Variants in BRD10 observed in about 807,000 individuals in gnomAD.
BRD10 encodes the protein bromodomain containing 10.
At chr9:6,001,069 G>T in the BRD10 span, among the ~76,000 whole-genome samples, 1 of 152,064 alleles carries the variant, frequency 6.6e-6, no homozygotes, top group East Asian at 1.9e-4. Context: ...ACCACCAGCT[G>T]GGCTCAAATG....
the BRD10 span, among the ~76,000 whole-genome samples, chr9:5,933,223 A>G: frequency 2.0e-5 from 3 of 152,248 alleles, no homozygotes; most frequent in Non-Finnish European, 2.9e-5. Context: ...ACAGGGATAA[A>G]TTAACTGTTT....
At chr9:5,966,390 A>G in the BRD10 span, among the ~76,000 whole-genome samples, 3 of 150,996 alleles carry the variant, frequency 2.0e-5, no homozygotes, top group Non-Finnish European at 4.4e-5. Context: ...AATATACTAT[A>G]TAATTGAGTT....
At chr9:5,911,228 A>G in the BRD10 span, among the ~76,000 whole-genome samples, 3 of 152,144 alleles carry the variant, frequency 2.0e-5, no homozygotes, top group Non-Finnish European at 4.4e-5. Flanking sequence ...TATATGGCAA[A>G]AGATACGGGT....
chr9:5,984,956 C>T, the BRD10 span, among the ~76,000 whole-genome samples: 62 of 150,536 alleles, frequency 4.1e-4, no homozygotes, highest in African/African-American at 1.5e-3. Flanking sequence ...TATAGACAAA[C>T]GAATTTGAAA....
chr9:5,905,274 C>A, the BRD10 span, among the ~76,000 whole-genome samples: 4 of 152,152 alleles, frequency 2.6e-5, no homozygotes, highest in Non-Finnish European at 5.9e-5. Flanking sequence ...CCCCTCTTCA[C>A]CAAGGGGACC....
the BRD10 span, among the ~76,000 whole-genome samples, chr9:5,981,217 G>T: frequency 6.6e-6 from 1 of 152,096 alleles, no homozygotes; most frequent in African/African-American, 2.4e-5. Flanking sequence ...AAATAAAGTG[G>T]GATGAAGCAT....
the BRD10 span, among the ~76,000 whole-genome samples, chr9:5,902,231 G>C: frequency 6.6e-6 from 1 of 152,126 alleles, no homozygotes; most frequent in Non-Finnish European, 1.5e-5. Flanking sequence ...CGTGGATTTT[G>C]ACAGATTGTG....
At chr9:5,921,645 C>T in the BRD10 span, 2 of 1,613,962 alleles carry the variant, frequency 1.2e-6, no homozygotes, top group Non-Finnish European at 8.5e-7. Context: ...GACCTTGTAA[C>T]AGGGTAACTT....
chr9:5,880,263 C>T, the BRD10 span, among the ~76,000 whole-genome samples: 29 of 151,956 alleles, frequency 1.9e-4, no homozygotes, highest in Non-Finnish European at 3.8e-4. Flanking sequence ...AGCCAAATCC[C>T]AGCACTTTGG....
the BRD10 span, chr9:5,918,858 A>G: frequency 1.3e-5 from 2 of 151,916 alleles, no homozygotes; most frequent in Admixed American, 6.6e-5. Context: ...CACAAGATTT[A>G]AGTGAAAGTA....
At chr9:5,902,015 GC>G in the BRD10 span, among the ~76,000 whole-genome samples, 1 of 82,978 alleles carries the variant, frequency 1.2e-5, no homozygotes, top group Non-Finnish European at 3.5e-5. Context: ...GGTAATGCTG[GC>G]CTCATAGCAA....
At chr9:5,954,787 A>G in the BRD10 span, among the ~76,000 whole-genome samples, 1 of 152,180 alleles carries the variant, frequency 6.6e-6, no homozygotes, top group Non-Finnish European at 1.5e-5. Flanking sequence ...AAATACATAC[A>G]TGCATAAAAA....
At chr9:5,927,708 G>T in the BRD10 span, among the ~76,000 whole-genome samples, 4 of 151,952 alleles carry the variant, frequency 2.6e-5, no homozygotes, top group East Asian at 5.8e-4. Flanking sequence ...TCTTTACCTG[G>T]TTTCCAAAAC....
At chr9:5,990,797 T>A in the BRD10 span, among the ~76,000 whole-genome samples, 2 of 152,220 alleles carry the variant, frequency 1.3e-5, no homozygotes, top group Admixed American at 1.3e-4. Context: ...AAGTGTAAAC[T>A]GGCAGTCTTT....
chr9:5,898,764 C>G, the BRD10 span, among the ~76,000 whole-genome samples: 292 of 152,306 alleles, frequency 1.9e-3, 1 homozygote, highest in African/African-American at 6.5e-3. Context: ...CCTTTCCTCA[C>G]TGGTTACCTG....
chr9:5,922,026 G>A, the BRD10 span: 1 of 1,613,970 alleles, frequency 6.2e-7, no homozygotes, highest in Non-Finnish European at 8.5e-7. Flanking sequence ...GTTGATTTTG[G>A]CACCAGAAAT....
the BRD10 span, among the ~76,000 whole-genome samples, chr9:5,985,220 G>A: frequency 6.6e-6 from 1 of 152,136 alleles, no homozygotes; most frequent in Non-Finnish European, 1.5e-5. Context: ...AAAAAGTAAA[G>A]TTTTTCCTTA....
the BRD10 span, among the ~76,000 whole-genome samples, chr9:5,947,172 T>C: frequency 6.6e-6 from 1 of 152,176 alleles, no homozygotes; most frequent in Non-Finnish European, 1.5e-5. Context: ...TGGCTGTATC[T>C]AGTTAGTAAA....
At chr9:5,912,616 G>A in the BRD10 span, among the ~76,000 whole-genome samples, 5 of 152,210 alleles carry the variant, frequency 3.3e-5, no homozygotes, top group African/African-American at 1.2e-4. Context: ...GGAGCCTTCA[G>A]GAAAGGGAGA....
Sources: gnomAD v4.1 joint callset for allele counts (sites outside exome capture counted in the v4.1 genomes callset) on GRCh38, gnomAD v4.1.1 for gene constraint, MANE v1.5 for transcripts, NCBI Gene and HGNC (gene_info 2026-07-23, HGNC 2026-07-21) for gene names.